PRDM5: variants seen among roughly 807,000 people sequenced by gnomAD.
PRDM5 encodes PR/SET domain 5.
In PRDM5, 56 loss-of-function variants were observed where a neutral mutation model predicts 81.2. The observed-to-expected ratio is 0.69, with a 90% CI of 0.56 to 0.86. The LOEUF is 0.86. PRDM5 is among the 40% of genes least tolerant of loss of function. PRDM5 has a pLI of 0.00. For missense variants in PRDM5, 697 were observed against 770.1 expected (o/e 0.91, Z 1.12); for synonymous variants, 267 against 256.4 (o/e 1.04, Z -0.39).
chr4:120,706,166 A>G (rs34414268), intron 15 of PRDM5, among the ~76,000 whole-genome samples: 33,123 of 150,940 alleles, frequency 0.22, 3,884 homozygotes, highest in Non-Finnish European at 0.28. Flanking sequence ...ATCTTGGCTC[A>G]CTGAAACCTT....
intron 10 of PRDM5, among the ~76,000 whole-genome samples, chr4:120,792,705 AC>A (rs1245090427): frequency 6.6e-6 from 1 of 152,222 alleles, no homozygotes; most frequent in African/African-American, 2.4e-5. Context: ...GTATATAGAC[AC>A]AATGTAATAC....
intron 14 of PRDM5, among the ~76,000 whole-genome samples, chr4:120,742,410 T>C (rs1445424995): frequency 1.3e-5 from 2 of 152,068 alleles, no homozygotes; most frequent in South Asian, 2.1e-4. Context: ...TCACCAGCAA[T>C]GGAACAAAGC....
At chr4:120,804,502 A>G (rs969974538) in intron 8 of PRDM5, among the ~76,000 whole-genome samples, 1 of 152,172 alleles carries the variant, frequency 6.6e-6, no homozygotes, top group Non-Finnish European at 1.5e-5. Context: ...CAAACTATCT[A>G]TCAGATCACA....
At chr4:120,867,016 A>C (rs946109047) in intron 2 of PRDM5, among the ~76,000 whole-genome samples, 2 of 152,194 alleles carry the variant, frequency 1.3e-5, no homozygotes, top group African/African-American at 4.8e-5. Context: ...GGGTGGCCTG[A>C]GAGGGGCCAT....
At chr4:120,817,007 A>G in intron 5 of PRDM5, 83 bp from the exon 6 acceptor site, 1 of 1,128,612 alleles carries the variant, frequency 8.9e-7, no homozygotes, top group African/African-American at 1.5e-5. Flanking sequence ...CTAACTCTGA[A>G]TAAAGTCATG....
chr4:120,745,574 T>C (rs2149124003), intron 14 of PRDM5, among the ~76,000 whole-genome samples: 1 of 146,956 alleles, frequency 6.8e-6, no homozygotes, highest in Admixed American at 6.7e-5. Flanking sequence ...GATAAGCAAC[T>C]TCAGCAAAGT....
At chr4:120,871,563 C>T (rs1761790055) in intron 2 of PRDM5, among the ~76,000 whole-genome samples, 1 of 152,092 alleles carries the variant, frequency 6.6e-6, no homozygotes, top group Non-Finnish European at 1.5e-5. Context: ...TATTGCTAAC[C>T]AAAATGTCCG....
chr4:120,860,433 T>C (rs1463524910), intron 2 of PRDM5, among the ~76,000 whole-genome samples: 5 of 152,250 alleles, frequency 3.3e-5, no homozygotes, highest in East Asian at 1.9e-4. Flanking sequence ...ATGAAACACA[T>C]AGTGAAAACC....
chr4:120,753,195 T>A (rs1288194703), intron 14 of PRDM5, among the ~76,000 whole-genome samples: 2 of 152,220 alleles, frequency 1.3e-5, no homozygotes, highest in Non-Finnish European at 2.9e-5. Context: ...ACATTATTGA[T>A]ACATCTGTGA....
chr4:120,749,818 T>C (rs1329680573), intron 14 of PRDM5, among the ~76,000 whole-genome samples: 1 of 152,136 alleles, frequency 6.6e-6, no homozygotes, highest in East Asian at 1.9e-4. Context: ...AAACCTGCTC[T>C]TGCCCAAGAA....
chr4:120,863,556 C>T (rs1239027511), intron 2 of PRDM5, among the ~76,000 whole-genome samples: 2 of 151,964 alleles, frequency 1.3e-5, no homozygotes, highest in Non-Finnish European at 2.9e-5. Flanking sequence ...TTTTATCATA[C>T]AAATACTTAA....
chr4:120,861,142 G>A (rs1166927123), intron 2 of PRDM5, among the ~76,000 whole-genome samples: 1 of 152,126 alleles, frequency 6.6e-6, no homozygotes, highest in Non-Finnish European at 1.5e-5. Context: ...CGAGTAGCTG[G>A]GATTACAGAT....
chr4:120,759,248 C>T (rs1376882009), intron 13 of PRDM5, among the ~76,000 whole-genome samples: 1 of 152,204 alleles, frequency 6.6e-6, no homozygotes, highest in Non-Finnish European at 1.5e-5. Flanking sequence ...TTCATTCTAT[C>T]CTAGAATGTA....
chr4:120,897,540 C>T (rs1233947210), intron 2 of PRDM5, among the ~76,000 whole-genome samples: 1 of 152,180 alleles, frequency 6.6e-6, no homozygotes, highest in African/African-American at 2.4e-5. Flanking sequence ...ATTACCTCAT[C>T]AAAACTGCTT....
chr4:120,818,014 C>T (rs1754769768), intron 5 of PRDM5, among the ~76,000 whole-genome samples: 1 of 152,084 alleles, frequency 6.6e-6, no homozygotes, highest in Non-Finnish European at 1.5e-5. Flanking sequence ...AGTCTGTTAC[C>T]TCAAAGGAGT....
At chr4:120,885,208 AGAG>A (rs959336477) in intron 2 of PRDM5, among the ~76,000 whole-genome samples, 1 of 151,674 alleles carries the variant, frequency 6.6e-6, no homozygotes, top group African/African-American at 2.4e-5. Flanking sequence ...CTGGCATATT[AGAG>A]GAGATCTACT....
chr4:120,840,640 C>T (rs1034592221), intron 3 of PRDM5, among the ~76,000 whole-genome samples: 4 of 152,120 alleles, frequency 2.6e-5, no homozygotes, highest in African/African-American at 7.3e-5. Flanking sequence ...CCAGGCCCAG[C>T]TTCATCTCAG....
At chr4:120,781,039 A>T in intron 12 of PRDM5, 104 bp downstream of exon 12, 1 of 1,012,750 alleles carries the variant, frequency 9.9e-7, no homozygotes, top group Non-Finnish European at 1.5e-6. Context: ...TTTTGAGTAA[A>T]TATTTTGATA....
chr4:120,902,189 CACTTTAGAACA>C (rs1266680941), intron 2 of PRDM5, among the ~76,000 whole-genome samples: 3 of 152,158 alleles, frequency 2.0e-5, no homozygotes, highest in Non-Finnish European at 2.9e-5. Flanking sequence ...CACCAGTAGC[CACTTTAGAACA>C]ACTAAATCAT....
Sources: gnomAD v4.1 joint callset for allele counts (sites outside exome capture counted in the v4.1 genomes callset) on GRCh38, gnomAD v4.1.1 for gene constraint, MANE v1.5 for transcripts, NCBI Gene and HGNC (gene_info 2026-07-23, HGNC 2026-07-21) for gene names.